Variants in C1orf87 observed in about 807,000 individuals in gnomAD.
C1orf87 encodes the protein chromosome 1 open reading frame 87.
A neutral mutation model predicts 60.5 loss-of-function variants in C1orf87; 58 were observed. The observed-to-expected ratio is 0.96, with a 90% CI of 0.78 to 1.19. The LOEUF (loss-of-function observed/expected upper bound fraction) is 1.19. Among genes scored for constraint, C1orf87 ranks in the 50% most tolerant of loss-of-function variants. C1orf87 has a pLI of 0.00. For synonymous variants in C1orf87, 236 were observed against 227.4 expected, an observed-to-expected ratio of 1.04 and a Z score of -0.34; for missense variants, 673 against 638.6, an observed-to-expected ratio of 1.05 and a Z score of -0.58.
At chr1:60,023,340 C>T (rs1290547133) in intron 8 of C1orf87, among the ~76,000 whole-genome samples, 1 of 152,034 alleles carries the variant, frequency 6.6e-6, no homozygotes, top group Non-Finnish European at 1.5e-5. Context: ...TATTAGGCTG[C>T]TGGTGTCACA....
intron 7 of C1orf87, among the ~76,000 whole-genome samples, chr1:60,031,685 T>C (rs982099026): frequency 6.6e-6 from 1 of 152,216 alleles, no homozygotes; most frequent in African/African-American, 2.4e-5. Context: ...GAGATAGATA[T>C]TTGGGACCCA....
At chr1:60,066,412 T>C (rs922130410) in intron 2 of C1orf87, among the ~76,000 whole-genome samples, 4 of 152,176 alleles carry the variant, frequency 2.6e-5, no homozygotes, top group African/African-American at 4.8e-5. Flanking sequence ...ACCAGGAGAA[T>C]TGATTCTATC....
chr1:60,015,331 T>G (rs1645117808), intron 8 of C1orf87, among the ~76,000 whole-genome samples: 1 of 152,162 alleles, frequency 6.6e-6, no homozygotes, highest in South Asian at 2.1e-4. Context: ...AAACACTAAA[T>G]CTGCTTCTGT....
chr1:60,037,875 T>C, intron 6 of C1orf87, 117 bp downstream of exon 6: 1 of 565,934 alleles, frequency 1.8e-6, no homozygotes, highest in Non-Finnish European at 3.0e-6. Flanking sequence ...GCTTCAGCAC[T>C]GTGATTCATA....
intron 7 of C1orf87, among the ~76,000 whole-genome samples, chr1:60,028,397 C>T (rs1292426081): frequency 6.6e-6 from 1 of 152,112 alleles, no homozygotes; most frequent in African/African-American, 2.4e-5. Context: ...TAGAGAGGCA[C>T]AACAGAAACA....
At chr1:59,990,861 T>C (rs746399859) in intron 11 of C1orf87, 28 bp from the exon 12 acceptor site, 2 of 1,607,802 alleles carry the variant, frequency 1.2e-6, no homozygotes, top group East Asian at 2.2e-5. Flanking sequence ...AGGAGGAAGG[T>C]TTTTTAAAGA....
intron 6 of C1orf87, among the ~76,000 whole-genome samples, chr1:60,035,416 C>G (rs1329744193): frequency 6.6e-6 from 1 of 152,146 alleles, no homozygotes; most frequent in Non-Finnish European, 1.5e-5. Context: ...TCATCTGGTC[C>G]AGTTTAGGAG....
intron 3 of C1orf87, among the ~76,000 whole-genome samples, chr1:60,049,063 AATATT>A (rs1645394041): frequency 6.6e-6 from 1 of 152,018 alleles, no homozygotes; most frequent in Non-Finnish European, 1.5e-5. Flanking sequence ...TAAATCTTTT[AATATT>A]ATATTTTTCA....
chr1:60,033,677 G>T (rs756622400), intron 6 of C1orf87, 36 bp from the exon 7 acceptor site: 29 of 1,597,202 alleles, frequency 1.8e-5, no homozygotes, highest in Non-Finnish European at 2.5e-5. Flanking sequence ...CTATGAAAAG[G>T]TTATCCACCC....
intron 11 of C1orf87, among the ~76,000 whole-genome samples, chr1:59,994,466 A>G (rs1263426778): frequency 2.6e-5 from 4 of 152,166 alleles, no homozygotes; most frequent in African/African-American, 7.2e-5. Flanking sequence ...GTGAGAATTT[A>G]GTGATGTAGT....
intron 9 of C1orf87, among the ~76,000 whole-genome samples, chr1:60,002,446 G>A (rs1167011172): frequency 6.6e-6 from 1 of 152,048 alleles, no homozygotes; most frequent in Non-Finnish European, 1.5e-5. Flanking sequence ...AGAAGTGTCT[G>A]TTCATGTCCT....
At chr1:59,995,860 A>C (rs1365541081) in intron 11 of C1orf87, among the ~76,000 whole-genome samples, 3 of 152,060 alleles carry the variant, frequency 2.0e-5, no homozygotes, top group African/African-American at 4.8e-5. Flanking sequence ...GCTGTGTTTT[A>C]ATTTTGTTTG....
chr1:59,995,701 T>C (rs552122721), intron 11 of C1orf87, among the ~76,000 whole-genome samples: 6 of 152,310 alleles, frequency 3.9e-5, no homozygotes, highest in Admixed American at 2.6e-4. Flanking sequence ...ACCTTCACTT[T>C]CCTTTTGACT....
intron 11 of C1orf87, among the ~76,000 whole-genome samples, chr1:59,992,674 G>A (rs1644932690): frequency 6.6e-6 from 1 of 152,128 alleles, no homozygotes; most frequent in African/African-American, 2.4e-5. Flanking sequence ...TTAGAGTTGG[G>A]CAATGGTAGA....
chr1:60,035,746 A>G (rs1645271304), intron 6 of C1orf87, among the ~76,000 whole-genome samples: 1 of 152,236 alleles, frequency 6.6e-6, no homozygotes, highest in Non-Finnish European at 1.5e-5. Context: ...GGAGGTGCCA[A>G]TTACATTCAA....
chr1:60,073,324 C>A (rs1645596611), intron 1 of C1orf87, among the ~76,000 whole-genome samples: 1 of 152,206 alleles, frequency 6.6e-6, no homozygotes, highest in Admixed American at 6.5e-5. Context: ...CTGGCCACAG[C>A]TGAACACTCC....
chr1:60,038,107 C>A lies in C1orf87; in HGVS notation c.748G>T (p.Val250Leu). The A allele has an allele frequency of 1.3e-6, 2 of 1,505,090 alleles. No homozygotes were observed. The highest frequency in any genetic ancestry group is 9.1e-7 in the Non-Finnish European group (1 of 1,100,354). The allele number at this position is 1,505,090 out of a possible 1,614,324, so 93.2% of individuals were successfully genotyped here. A position where few individuals can be genotyped will look rare whatever the true frequency, so the allele number is the denominator to read the frequency against. The change falls in exon 6 of 12, where the codon GTG becomes TTG. Residue 250 changes from valine (V) to leucine (L), a missense_variant and splice_region_variant. Val to Leu is a conservative substitution (Grantham distance 32). Coordinates refer to ENST00000371201, the MANE Select transcript of C1orf87 (RefSeq NM_152377.3). ...AACCAGAGTAGCTTTTCATAATTCA[C>A]CTGAAAATTAAATGTAAAATAGAAC... The part of the protein sequence containing the change: ...RFSKRGSPEM[V>L]NYEKLLWFLN...
At chr1:60,052,837 G>T (rs925530774) in intron 3 of C1orf87, among the ~76,000 whole-genome samples, 2 of 152,218 alleles carry the variant, frequency 1.3e-5, no homozygotes, top group Non-Finnish European at 2.9e-5. Context: ...TGGTAATGAG[G>T]GTCTCTGTAC....
At chr1:60,003,264 T>C (rs1441487345) in intron 9 of C1orf87, among the ~76,000 whole-genome samples, 1 of 132,816 alleles carries the variant, frequency 7.5e-6, no homozygotes, top group Non-Finnish European at 1.5e-5. Flanking sequence ...AGGTGGGAAT[T>C]GAACAATGAG....
Sources: allele counts gnomAD v4.1 joint callset (sites outside exome capture counted in the v4.1 genomes callset), GRCh38; gene constraint gnomAD v4.1.1; transcripts MANE v1.5; gene names NCBI Gene and HGNC (gene_info 2026-07-23, HGNC 2026-07-21).